The following SSPN variants were observed in gnomAD, a reference collection of about 807,000 sequenced individuals.
SSPN encodes sarcospan.
Under a neutral mutation model 19.1 loss-of-function variants are expected in SSPN, and 15 were observed. The ratio of observed to expected loss-of-function variants is 0.78; its 90% CI spans 0.52 to 1.21. The LOEUF (loss-of-function observed/expected upper bound fraction) is 1.21, where lower values mean the gene tolerates loss of function less well. Among genes scored for constraint, SSPN ranks in the 50% most tolerant of loss-of-function variants. The pLI is 0.00. For synonymous variants in SSPN, 147 were observed against 140.3 expected (o/e 1.05, Z -0.34); for missense variants, 291 against 314.0 (o/e 0.93, Z 0.55).
intron 1 of SSPN, among the ~76,000 whole-genome samples, chr12:26,217,061 C>A (rs1945060497): frequency 6.7e-6 from 1 of 150,064 alleles, no homozygotes; most frequent in Non-Finnish European, 1.5e-5. Context: ...GATGCGAGCT[C>A]TTTTTTGGTT....
intron 1 of SSPN, among the ~76,000 whole-genome samples, chr12:26,146,452 T>C (rs554519351): frequency 6.6e-6 from 1 of 152,312 alleles, no homozygotes; most frequent in African/African-American, 2.4e-5. Context: ...TCCTATCAGT[T>C]GATTTAGTCA....
chr12:26,202,207 C>CT (rs909941710), intron 1 of SSPN, among the ~76,000 whole-genome samples: 1 of 152,096 alleles, frequency 6.6e-6, no homozygotes, highest in Admixed American at 6.5e-5. Context: ...CACAACCATC[C>CT]TTTTTTTATC....
chr12:26,208,027 G>T (rs528044720), intron 1 of SSPN, among the ~76,000 whole-genome samples: 129 of 146,900 alleles, frequency 8.8e-4, no homozygotes, highest in Non-Finnish European at 1.6e-3. Flanking sequence ...GTGGGGGGGG[G>T]GGATATATAA....
chr12:26,195,268 A>AT (rs1251760955), upstream of SSPN: 23 of 178,732 alleles, frequency 1.3e-4, no homozygotes, highest in Non-Finnish European at 2.7e-4. Flanking sequence ...ATCACCTTGC[A>AT]TTGCACTTCA....
chr12:26,226,946 A>G (rs1483720687), intron 2 of SSPN, among the ~76,000 whole-genome samples: 1 of 152,078 alleles, frequency 6.6e-6, no homozygotes, highest in South Asian at 2.1e-4. Context: ...GCAGCGAGCG[A>G]GCGGAGACGC....
chr12:26,189,517 A>T (rs545185717), intron 1 of SSPN, among the ~76,000 whole-genome samples: 44 of 152,180 alleles, frequency 2.9e-4, no homozygotes, highest in Admixed American at 2.6e-3. Context: ...AACTTATCTG[A>T]TCAAATGTCC....
chr12:26,124,188 A>G, intron 1 of SSPN: 1 of 1,538,496 alleles, frequency 6.5e-7, no homozygotes, highest in Non-Finnish European at 9.0e-7. Flanking sequence ...TCCTTAATAT[A>G]TGAGAGTCAT....
intron 1 of SSPN, among the ~76,000 whole-genome samples, chr12:26,161,681 T>C (rs986459222): frequency 2.0e-5 from 3 of 152,208 alleles, no homozygotes; most frequent in Non-Finnish European, 4.4e-5. Flanking sequence ...CCCCAATCTT[T>C]TTGGTACCAG....
chr12:26,176,397 C>G (rs1208513660), intron 1 of SSPN, among the ~76,000 whole-genome samples: 2 of 152,162 alleles, frequency 1.3e-5, no homozygotes, highest in African/African-American at 4.8e-5. Context: ...AAACCTTTTA[C>G]AAGGCCCTCT....
chr12:26,178,402 A>G (rs192262013), intron 1 of SSPN, among the ~76,000 whole-genome samples: 146 of 152,298 alleles, frequency 9.6e-4, no homozygotes, highest in African/African-American at 3.2e-3. Context: ...AAAAATATAT[A>G]TAAGTGCTAG....
intron 1 of SSPN, among the ~76,000 whole-genome samples, chr12:26,197,495 G>C (rs933305058): frequency 2.6e-5 from 4 of 152,152 alleles, no homozygotes; most frequent in Non-Finnish European, 4.4e-5. Flanking sequence ...AACAAACAAA[G>C]AATGAAGCTC....
At chr12:26,185,361 A>G (rs10842688) in intron 1 of SSPN, among the ~76,000 whole-genome samples, 2 of 151,990 alleles carry the variant, frequency 1.3e-5, no homozygotes, top group African/African-American at 2.4e-5. Context: ...GAAGATTGCA[A>G]ATGATTGACA....
At position 26,164,949 on chromosome 12, in the gene SSPN, G is replaced by A. The variant is rs143202674; in HGVS notation, c.-31+42797G>A. ...CTCTACCCATTAATGACTCTCAGCC[G>A]TGAATAGCATTGGCGTTAGCTTGTA... is the stretch of plus-strand genomic sequence containing the variant. On this transcript the variant is annotated intron_variant, in intron 1 of 2. Coordinates refer to the SSPN transcript ENST00000538142. Among the ~76,000 whole-genome samples the A allele has an allele frequency of 1.3e-3, 191 of 152,266 alleles. 1 individual carries two copies. The highest frequency in any genetic ancestry group is 4.5e-3 in the African/African-American group (185 of 41,542).
At position 26,232,030 on chromosome 12, in the gene SSPN, C is replaced by T. The variant is rs1233545041; in HGVS notation, c.*954C>T. 3 of 984,964 alleles carry T rather than the reference C, an allele frequency of 3.0e-6. No homozygotes were observed. In the African/African-American group the frequency reaches 5.3e-5, roughly 17 times the overall value. The allele number at this position is 984,964 out of a possible 1,614,324, so 61.0% of individuals were successfully genotyped here. On this transcript the variant is annotated 3_prime_UTR_variant, in exon 3 of 3. Transcript: ENST00000242729. ...AGGAAAAAAAAAATTATTAATAGCTCAGGTTAAAAACACCCATTTAAACAA... is the reference window on the plus strand; with the variant it reads ...AGGAAAAAAAAAATTATTAATAGCTTAGGTTAAAAACACCCATTTAAACAA...
At chr12:26,169,594 T>TATA (rs71954046) in intron 1 of SSPN, among the ~76,000 whole-genome samples, 1 of 60,830 alleles carries the variant, frequency 1.6e-5, no homozygotes, top group African/African-American at 1.1e-4. Flanking sequence ...TATATATATA[T>TATA]TTTTTTTTCT....
chr12:26,125,075 C>A lies in SSPN; in HGVS notation c.-31+2923C>A, dbSNP rs1185213809. 17 of 507,344 alleles carry A rather than the reference C, an allele frequency of 3.4e-5. No homozygotes were observed. In the East Asian group the frequency reaches 6.2e-4, roughly 18 times the overall value. 31.4% of individuals were successfully genotyped at this position (507,344 alleles called of 1,614,324 possible). ...GCGCGTCGCCGGCCAGACCAGCACC[C>A]AGCTCACGTGCGGAACGTACCATCC... On this transcript the variant is annotated intron_variant, in intron 1 of 2. Transcript: ENST00000538142.
chr12:26,170,723 T>C (rs946637148), intron 1 of SSPN, among the ~76,000 whole-genome samples: 1 of 152,236 alleles, frequency 6.6e-6, no homozygotes, highest in Non-Finnish European at 1.5e-5. Flanking sequence ...TGTTTTGGAA[T>C]TCATTGAATA....
At chr12:26,132,669 G>A (rs572545899) in intron 1 of SSPN, among the ~76,000 whole-genome samples, 6 of 152,290 alleles carry the variant, frequency 3.9e-5, no homozygotes, top group African/African-American at 1.4e-4. Context: ...GGGGATGCCT[G>A]TTCAACACCC....
At chr12:26,150,278 A>G (rs1944517721) in intron 1 of SSPN, among the ~76,000 whole-genome samples, 4 of 152,312 alleles carry the variant, frequency 2.6e-5, no homozygotes, top group Non-Finnish European at 5.9e-5. Flanking sequence ...ACCTGGTAGC[A>G]CCATCACACA....
Sources: allele counts gnomAD v4.1 joint callset (sites outside exome capture counted in the v4.1 genomes callset), GRCh38; gene constraint gnomAD v4.1.1; transcripts MANE v1.5; gene names NCBI Gene and HGNC (gene_info 2026-07-23, HGNC 2026-07-21).